Variants in P2RX4 observed in about 807,000 individuals in gnomAD.
P2RX4 encodes the protein purinergic receptor P2X 4, also known as P2X purinoceptor 4.
Under a neutral mutation model 48.0 loss-of-function variants are expected in P2RX4, and 37 were observed. The ratio of observed to expected loss-of-function variants is 0.77; its 90% CI spans 0.59 to 1.01. The LOEUF (loss-of-function observed/expected upper bound fraction) is 1.01. Ranked by LOEUF, P2RX4 falls within the 50% of genes least tolerant of loss-of-function variation. P2RX4 has a pLI of 0.00. For synonymous variants in P2RX4, 200 were observed against 199.7 expected (o/e 1.00, Z -0.01); for missense variants, 501 against 521.4 (o/e 0.96, Z 0.38).
intron 1 of P2RX4, 98 bp from the exon 2 acceptor site, chr12:121,217,036 A>G (rs1349263873): frequency 2.5e-6 from 3 of 1,204,572 alleles, no homozygotes; most frequent in Non-Finnish European, 3.7e-6. Flanking sequence ...GTAATTAGTC[A>G]ACATCGTACT....
In P2RX4 at chr12:121,223,719, G is replaced by C. The variant is rs1390047743; in HGVS notation, c.524+676G>C. Among the ~76,000 whole-genome samples, 3 of 152,220 alleles carry C rather than the reference G, an allele frequency of 2.0e-5. No homozygotes were observed. The East Asian group carries it at 5.8e-4, about 29-fold the overall frequency. ...ATACACATGCGTGCACAGCGGGGGGGCAGTGTATTGTCCGGCTGACCAAAA... is the reference window on the plus strand; with the variant it reads ...ATACACATGCGTGCACAGCGGGGGGCCAGTGTATTGTCCGGCTGACCAAAA... On this transcript the variant is annotated intron_variant, in intron 5 of 11. Coordinates refer to ENST00000337233, the MANE Select transcript of P2RX4 (RefSeq NM_002560.3).
intron 1 of P2RX4, chr12:121,214,177 G>A (rs2136214838): frequency 6.6e-6 from 1 of 152,254 alleles, no homozygotes; most frequent in Admixed American, 6.5e-5. Context: ...ACTTCAGCCT[G>A]GGCGACAGAG....
At chr12:121,224,242 C>T (rs1483145657) in intron 5 of P2RX4, among the ~76,000 whole-genome samples, 1 of 152,126 alleles carries the variant, frequency 6.6e-6, no homozygotes, top group African/African-American at 2.4e-5. Flanking sequence ...GGTTCTGTTA[C>T]CAGAAAAGCT....
chr12:121,224,471 G>T (rs943458137), intron 5 of P2RX4, among the ~76,000 whole-genome samples: 3 of 152,042 alleles, frequency 2.0e-5, no homozygotes, highest in African/African-American at 7.2e-5. Context: ...TTAGGGTGGC[G>T]CTTGTCTGTA....
chr12:121,225,257 G>C (rs899476545), intron 5 of P2RX4, among the ~76,000 whole-genome samples: 3 of 151,606 alleles, frequency 2.0e-5, no homozygotes, highest in Admixed American at 2.0e-4. Flanking sequence ...ATTTTTAGTA[G>C]AGATGCAGGT....
At chr12:121,212,816 A>ATTTTT (rs1266371217) in intron 1 of P2RX4, 2 of 32,754 alleles carry the variant, frequency 6.1e-5, no homozygotes, top group African/African-American at 2.9e-4. Context: ...ATATATATAT[A>ATTTTT]TATATATATT....
At chr12:121,233,142 G>A in intron 11 of P2RX4, 50 bp downstream of exon 11, 3 of 1,339,282 alleles carry the variant, frequency 2.2e-6, no homozygotes, top group East Asian at 2.3e-5. Context: ...TCTCTTGGGT[G>A]TGGGAGCCCT....
At position 121,210,302 on chromosome 12, in the gene P2RX4, AGCGTGGGGCCGC is replaced by A; in HGVS notation, c.134+8_134+19del. 6.6e-7 allele frequency: 1 copy of A among 1,523,070 alleles called. No homozygotes were observed. The allele number at this position is 1,523,070 out of a possible 1,614,324, so 94.3% of individuals were successfully genotyped here. On this transcript the variant is annotated splice_donor_5th_base_variant and intron_variant, in intron 1 of 11. Coordinates refer to ENST00000337233, the MANE Select transcript of P2RX4 (RefSeq NM_002560.3). ...TCATCCTGGCCTACGTCATCGGGTG[AGCGTGGGGCCGC>A]GCGGGGGGCGCGGCGGGTGCTGCCC...
intron 2 of P2RX4, among the ~76,000 whole-genome samples, chr12:121,220,299 A>ACC (rs143771326): frequency 1.3e-4 from 19 of 149,498 alleles, no homozygotes; most frequent in Non-Finnish European, 2.4e-4. Flanking sequence ...CAGTTTGCAG[A>ACC]CCCCCCCCTT....
chr12:121,233,293 C>T, intron 11 of P2RX4: 1 of 640,478 alleles, frequency 1.6e-6, no homozygotes. Flanking sequence ...TCTTTAAACC[C>T]AGCCTCGTTT....
Position 121,232,198 on chromosome 12 carries a change from G to A in P2RX4, c.885-216G>A, listed in dbSNP as rs117257473. ...GGTTCAGGAGAGGACACTGGTGCTG[G>A]AGGAGGAGGTCTCCCTGTGCCCCTG... On this transcript the variant is annotated intron_variant, in intron 8 of 11. Transcript: ENST00000337233. The surrounding 1 kb of genome is among the most constrained non-coding windows in gnomAD (Gnocchi z 4.3). Among the ~76,000 whole-genome samples, 1,863 of 152,192 alleles carry A rather than the reference G, an allele frequency of 0.012. 54 individuals are homozygous for A. Among genetic ancestry groups the A allele is most frequent in the Admixed American group, 0.066 (1,008 of 15,258 alleles).
At position 121,210,181 on chromosome 12, in the gene P2RX4, C is replaced by G. The variant is rs1885712142; in HGVS notation, c.17C>G (p.Ala6Gly). 6.6e-7 allele frequency: 1 copy of G among 1,526,502 alleles called. No homozygotes were observed. Among genetic ancestry groups the G allele is most frequent in the Admixed American group, 2.1e-5 (1 of 47,804 alleles). 94.6% of individuals were successfully genotyped at this position (1,526,502 alleles called of 1,614,324 possible). The change falls in exon 1 of 12, where the codon GCC (alanine) becomes GGC (glycine). Residue 6 changes from alanine (A) to glycine (G), a missense_variant. Physicochemically the swap from Ala to Gly is moderately conservative, Grantham distance 60. This residue lies in a region of P2RX4 where 295 missense variants were observed against 275.3 expected (regional missense o/e 1.07). Coordinates refer to ENST00000337233, the MANE Select transcript of P2RX4 (RefSeq NM_002560.3). ...GGCGCGGCCATGGCGGGCTGCTGCG[C>G]CGCGCTGGCGGCCTTCCTGTTCGAG... MAGCC[A>G]ALAAFLFEYD...
At position 121,222,967 on chromosome 12, in the gene P2RX4, G is replaced by T; in HGVS notation, c.448G>T (p.Val150Leu). ...HSNGVSTGRC[V>L]AFNGSVKTCE... ...TGTAGGAGTCTCAACAGGCAGGTGCGTAGCTTTCAACGGGTCTGTCAAGAC... is the reference window on the plus strand; with the variant it reads ...TGTAGGAGTCTCAACAGGCAGGTGCTTAGCTTTCAACGGGTCTGTCAAGAC... The change falls in exon 5 of 12, where the codon GTA (valine) becomes TTA (leucine). Residue 150 changes from valine (V) to leucine (L), a missense_variant. Val to Leu is a conservative substitution (Grantham distance 32). Coordinates refer to ENST00000337233, the MANE Select transcript of P2RX4 (RefSeq NM_002560.3). 1 of 1,613,162 alleles carries T rather than the reference G, an allele frequency of 6.2e-7. No individual in the cohort carries two copies. Among genetic ancestry groups the T allele is most frequent in the Non-Finnish European group, 8.5e-7 (1 of 1,179,162 alleles).
At chr12:121,210,561 C>T (rs1486821559) in intron 1 of P2RX4, among the ~76,000 whole-genome samples, 1 of 152,182 alleles carries the variant, frequency 6.6e-6, no homozygotes, top group Non-Finnish European at 1.5e-5. Context: ...GGGACCATCG[C>T]CTGAGCCCAG....
At position 121,233,304 on chromosome 12, in the gene P2RX4, C is replaced by T. The variant is rs1196712991; in HGVS notation, c.1140+212C>T. 3 of 639,052 alleles carry T rather than the reference C, an allele frequency of 4.7e-6. No individual in the cohort carries two copies. In the East Asian group the frequency reaches 8.2e-5, roughly 17 times the overall value. 39.6% of individuals were successfully genotyped at this position (639,052 alleles called of 1,614,324 possible). A position where few individuals can be genotyped will look rare whatever the true frequency, so the allele number is the denominator to read the frequency against. ...TGACTCTTTAAACCCAGCCTCGTTT[C>T]AATGAGCGACATCTCAGGTTGGTGA... is the stretch of plus-strand genomic sequence containing the variant. On this transcript the variant is annotated intron_variant, in intron 11 of 11. Transcript: ENST00000337233.
At position 121,228,826 on chromosome 12, in the gene P2RX4, T is replaced by G. The variant is rs775759803; in HGVS notation, c.707T>G (p.Val236Gly). Residue 236 changes from valine to glycine, a missense_variant, in exon 7 of 12, where the codon GTG (valine) becomes GGG (glycine). Physicochemically the swap from Val to Gly is moderately radical, Grantham distance 109 (BLOSUM62 -3). Coordinates refer to ENST00000337233, the MANE Select transcript of P2RX4 (RefSeq NM_002560.3). ...CCCATATTCCGTCTTGGCAAAATAG[T>G]GGAGAACGCAGGACACAGTTTCCAG... is the stretch of plus-strand genomic sequence containing the variant. The part of the protein sequence containing the change: ...FCPIFRLGKI[V>G]ENAGHSFQDM... 3.7e-6 allele frequency: 6 copies of G among 1,614,034 alleles called. No homozygotes were observed. In the African/African-American group the frequency reaches 5.3e-5, roughly 14 times the overall value.
At position 121,229,957 on chromosome 12, in the gene P2RX4, T is replaced by G. The variant is rs1268883238; in HGVS notation, c.884+858T>G. Among the ~76,000 whole-genome samples the G allele has an allele frequency of 6.6e-6, 1 of 152,234 alleles. No individual in the cohort carries two copies. Among genetic ancestry groups the G allele is most frequent in the Non-Finnish European group, 1.5e-5 (1 of 68,030 alleles). On this transcript the variant is annotated intron_variant, in intron 8 of 11. Transcript: ENST00000337233. The surrounding 1 kb of genome is among the most constrained non-coding windows in gnomAD (Gnocchi z 4.6). ...AAATTACGTCTGCCAATATCCCATT[T>G]CCAAATAAGGTCACACTCCCAAGCT...
intron 1 of P2RX4, among the ~76,000 whole-genome samples, chr12:121,212,415 C>T (rs1393241565): frequency 2.7e-5 from 4 of 150,556 alleles, no homozygotes; most frequent in African/African-American, 9.8e-5. Context: ...GACAACATAG[C>T]GAGACCCCAT....
rs1379716248 is a variant in P2RX4, at chr12:121,228,876, G to C, written c.747+10G>C. 6.2e-7 allele frequency: 1 copy of C among 1,614,076 alleles called. No individual in the cohort carries two copies. The highest frequency in any genetic ancestry group is 8.5e-7 in the Non-Finnish European group (1 of 1,180,030). ...GGACATGGCCGTGGAGGTGGGTGCGGGCCCTGGCTCTCCTGACCCAGCCCT... is the reference window on the plus strand; with the variant it reads ...GGACATGGCCGTGGAGGTGGGTGCGCGCCCTGGCTCTCCTGACCCAGCCCT... On this transcript the variant is annotated intron_variant, in intron 7 of 11. Transcript: ENST00000337233.
Sources: gnomAD v4.1 joint callset for allele counts (sites outside exome capture counted in the v4.1 genomes callset) on GRCh38, gnomAD v4.1.1 for gene constraint, gnomAD v4.1.1 regional missense constraint, Gnocchi (gnomAD v3.1) non-coding constraint, MANE v1.5 for transcripts, NCBI Gene and HGNC (gene_info 2026-07-23, HGNC 2026-07-21) for gene names.